PKHD1L1: variants seen among roughly 807,000 people sequenced by gnomAD.
PKHD1L1 encodes the protein PKHD1 like 1.
In PKHD1L1, 434 loss-of-function variants were observed where a neutral mutation model predicts 462.9. The ratio of observed to expected loss-of-function variants is 0.94; its 90% CI spans 0.87 to 1.02. The LOEUF (loss-of-function observed/expected upper bound fraction) is 1.02, where lower values mean the gene tolerates loss of function less well. Among genes scored for constraint, PKHD1L1 ranks in the 50% least tolerant of loss-of-function variants. The probability of loss-of-function intolerance (pLI) is 0.00; values close to 1 mark genes in which losing one functional copy is unlikely to be tolerated. For synonymous variants in PKHD1L1, 1,781 were observed against 1,750.0 expected (o/e 1.02, Z -0.44); for missense variants, 5,202 against 5,096.1 (o/e 1.02, Z -0.63).
rs772430664 is a variant in PKHD1L1, at chr8:109,493,676, A to G, written c.10252A>G (p.Asn3418Asp). The G allele has an allele frequency of 6.2e-6, 10 of 1,605,526 alleles. No individual in the cohort carries two copies. Among genetic ancestry groups the G allele is most frequent in the Non-Finnish European group, 8.5e-6 (10 of 1,175,282 alleles). Residue 3418 changes from asparagine to aspartate, a missense_variant, in exon 63 of 78, where the codon AAT (asparagine) becomes GAT (aspartate). Asn to Asp is a conservative substitution (Grantham distance 23). Coordinates refer to ENST00000378402, the MANE Select transcript of PKHD1L1 (RefSeq NM_177531.6). ...ATTGCACTAGATAAATAGAGGGACC[A>G]ATACAGTTTTACAGAATAATGTAGT... ...HAAIEINRGT[N>D]TVLQNNVVAG...
rs1406919820 is a variant in PKHD1L1 at position 109,404,998 on chromosome 8, A to G, written c.1537A>G (p.Ile513Val). 2.7e-6 allele frequency: 4 copies of G among 1,493,706 alleles called. No individual in the cohort carries two copies. Among genetic ancestry groups the G allele is most frequent in the Middle Eastern group, 1.7e-4 (1 of 5,716 alleles). The allele number at this position is 1,493,706 out of a possible 1,614,324, so 92.5% of individuals were successfully genotyped here. A position where few individuals can be genotyped will look rare whatever the true frequency, so the allele number is the denominator to read the frequency against. Residue 513 changes from isoleucine (I) to valine (V), a missense_variant, in exon 16 of 78, where the codon ATA becomes GTA. By Grantham distance (29) the Ile-to-Val change is conservative (BLOSUM62 3). Transcript: ENST00000378402. ...QSTILQEVQVITLENWETTNA... is the reference protein window; with the variant it reads ...QSTILQEVQVVTLENWETTNA... ...ATGTTTCTTAATTGGAAAATAGGTT[A>G]TAACATTGGAAAACTGGGAAACAAC...
chr8:109,479,114 A>G (rs1818142417), intron 53 of PKHD1L1, among the ~76,000 whole-genome samples: 1 of 152,212 alleles, frequency 6.6e-6, no homozygotes, highest in Non-Finnish European at 1.5e-5. Flanking sequence ...GGAAAATATC[A>G]CCAATTTTAT....
chr8:109,395,999 TA>T, intron 10 of PKHD1L1, 27 bp from the exon 11 acceptor site: 2 of 1,442,808 alleles, frequency 1.4e-6, no homozygotes, highest in Non-Finnish European at 1.9e-6. Context: ...ATATTTATGA[TA>T]TTTTATTTAA....
Position 109,442,205 on chromosome 8 carries a change from T to C in PKHD1L1, c.4393+10T>C, listed in dbSNP as rs1046540753. On this transcript the variant is annotated intron_variant, in intron 35 of 77. Transcript: ENST00000378402. ...CAAAAATCTACATCAGGTATGTTTC[T>C]GCTTATTGGGTTTTGCATCATGTCA... 2 of 1,600,164 alleles carry C rather than the reference T, an allele frequency of 1.2e-6. No homozygotes were observed. Among genetic ancestry groups the C allele is most frequent in the African/African-American group, 2.7e-5 (2 of 74,310 alleles).
In PKHD1L1 at chr8:109,479,595, A is replaced by C; in HGVS notation, c.9134A>C (p.Asn3045Thr). Residue 3045 changes from asparagine (N) to threonine (T), a missense_variant, in exon 54 of 78, where the codon AAT becomes ACT. Asn to Thr is a moderately conservative substitution (Grantham distance 65). This residue lies in a region of PKHD1L1 where 4,497 missense variants were observed against 4,336.8 expected (regional missense o/e 1.04). Coordinates refer to ENST00000378402, the MANE Select transcript of PKHD1L1 (RefSeq NM_177531.6). ...DSFWQSSRENNYTVPHPGANV... is the reference protein window; with the variant it reads ...DSFWQSSRENTYTVPHPGANV... The stretch of plus-strand genomic sequence containing the variant: ...TTTTGGCAATCATCACGAGAAAATA[A>C]TTATACTGTACCTCACCCAGGGGCA... The C allele has an allele frequency of 6.5e-7, 1 of 1,538,918 alleles. No homozygotes were observed. Among genetic ancestry groups the C allele is most frequent in the Middle Eastern group, 1.7e-4 (1 of 5,924 alleles).
intron 5 of PKHD1L1, 77 bp from the exon 6 acceptor site, chr8:109,385,460 T>C: frequency 1.1e-6 from 1 of 907,758 alleles, no homozygotes. Context: ...ATTGGGAAAA[T>C]CTCTTATGTT....
At chr8:109,456,938 T>G (rs1563565953) in intron 46 of PKHD1L1, among the ~76,000 whole-genome samples, 1 of 152,126 alleles carries the variant, frequency 6.6e-6, no homozygotes. Context: ...TCACATAACC[T>G]TTTAGGTGCC....
intron 14 of PKHD1L1, among the ~76,000 whole-genome samples, chr8:109,403,130 T>C (rs1018501275): frequency 6.6e-6 from 1 of 152,174 alleles, no homozygotes; most frequent in African/African-American, 2.4e-5. Flanking sequence ...CTAATACATC[T>C]GCTGCCTGGT....
chr8:109,536,212 T>C lies in PKHD1L1; in HGVS notation c.*6122T>C, dbSNP rs776594373. ...TGCTTCAAAGGTTTCACCGATTTTA[T>C]TGCTGTGTTTCCAACACATTTCCAC... On this transcript the variant is annotated 3_prime_UTR_variant, in exon 78 of 78. Coordinates refer to ENST00000378402, the MANE Select transcript of PKHD1L1 (RefSeq NM_177531.6). 5.9e-5 allele frequency among the ~76,000 whole-genome samples: 9 copies of C among 152,232 alleles called. No individual in the cohort carries two copies. In the East Asian group the frequency reaches 1.3e-3, roughly 23 times the overall value.
intron 70 of PKHD1L1, 101 bp from the exon 71 acceptor site, chr8:109,510,676 C>T (rs1819923781): frequency 5.0e-6 from 7 of 1,400,832 alleles, no homozygotes; most frequent in South Asian, 1.5e-5. Context: ...TGCATTTGAA[C>T]TTGACCACTG....
chr8:109,400,736 T>C (rs548518461), intron 13 of PKHD1L1, among the ~76,000 whole-genome samples: 1 of 152,172 alleles, frequency 6.6e-6, no homozygotes, highest in Admixed American at 6.6e-5. Flanking sequence ...ATTACTTGGG[T>C]TTACCAAGCT....
chr8:109,501,517 C>T (rs1194683519), intron 67 of PKHD1L1, among the ~76,000 whole-genome samples: 1 of 152,130 alleles, frequency 6.6e-6, no homozygotes, highest in Admixed American at 6.6e-5. Flanking sequence ...CTGATGTCGC[C>T]AACTTTAATT....
At position 109,443,919 on chromosome 8, in the gene PKHD1L1, C is replaced by T. The variant is rs895087373; in HGVS notation, c.4791+17C>T. 2 of 1,531,922 alleles carry T rather than the reference C, an allele frequency of 1.3e-6. No homozygotes were observed. Among genetic ancestry groups the T allele is most frequent in the Non-Finnish European group, 1.8e-6 (2 of 1,115,022 alleles). 94.9% of individuals were successfully genotyped at this position (1,531,922 alleles called of 1,614,324 possible). On this transcript the variant is annotated intron_variant, in intron 37 of 77. Transcript: ENST00000378402. ...GCTAATAAGGTAAGAATATAAATACCTCCTTTGTACTTCTATTATATGTTC... is the reference window on the plus strand; with the variant it reads ...GCTAATAAGGTAAGAATATAAATACTTCCTTTGTACTTCTATTATATGTTC...
intron 76 of PKHD1L1, 102 bp downstream of exon 76, chr8:109,523,488 A>T: frequency 8.6e-7 from 1 of 1,158,704 alleles, no homozygotes; most frequent in Non-Finnish European, 1.2e-6. Context: ...TGGTCAATAA[A>T]TTATAGACAT....
intron 49 of PKHD1L1, among the ~76,000 whole-genome samples, chr8:109,465,799 A>G (rs1169161701): frequency 1.7e-4 from 26 of 152,220 alleles, no homozygotes; most frequent in Non-Finnish European, 5.9e-5. Context: ...TATTCAAAGA[A>G]TACCAAAAGA....
chr8:109,445,770 A>C, intron 38 of PKHD1L1, 125 bp downstream of exon 38: 1 of 1,006,822 alleles, frequency 9.9e-7, no homozygotes, highest in Admixed American at 2.7e-5. Flanking sequence ...CTTACACTTA[A>C]TACCTGGGAT....
chr8:109,410,158 G>A (rs12546434), intron 19 of PKHD1L1, among the ~76,000 whole-genome samples, 180 bp downstream of exon 19: 1 of 151,926 alleles, frequency 6.6e-6, no homozygotes, highest in Non-Finnish European at 1.5e-5. Context: ...TGGTACTGCC[G>A]TCTATGATTC....
chr8:109,518,215 T>C lies in PKHD1L1; in HGVS notation c.11738T>C (p.Phe3913Ser). 1 of 1,610,152 alleles carries C rather than the reference T, an allele frequency of 6.2e-7. No homozygotes were observed. ...LDSTVLGENY[F>S]DGTYQMLYLL... ...TCCACTGTCCTTGGTGAAAACTACTTTGATGGAACCTACCAGATGCTTTAT... is the reference window on the plus strand; with the variant it reads ...TCCACTGTCCTTGGTGAAAACTACTCTGATGGAACCTACCAGATGCTTTAT... Residue 3913 changes from phenylalanine to serine, a missense_variant, in exon 73 of 78, where the codon TTT becomes TCT. This residue lies in a region of PKHD1L1 where 698 missense variants were observed against 736.3 expected (regional missense o/e 0.95). Coordinates refer to ENST00000378402, the MANE Select transcript of PKHD1L1 (RefSeq NM_177531.6).
rs565239355 is a variant in PKHD1L1, at chr8:109,372,103, C to T, written c.163+7467C>T. On this transcript the variant is annotated intron_variant, in intron 2 of 77. Transcript: ENST00000378402. ...TATAAATTACCTTGGGCAGTATGGC[C>T]GTTTTCACAATATTGATTCTTCCTA... is the stretch of plus-strand genomic sequence containing the variant. Among the ~76,000 whole-genome samples the T allele has an allele frequency of 7.1e-4, 108 of 152,210 alleles. 1 individual carries two copies. The highest frequency in any genetic ancestry group is 3.4e-3 in the Middle Eastern group (1 of 294).
Sources: gnomAD v4.1 joint callset for allele counts (sites outside exome capture counted in the v4.1 genomes callset) on GRCh38, gnomAD v4.1.1 for gene constraint, gnomAD v4.1.1 regional missense constraint, MANE v1.5 for transcripts, NCBI Gene and HGNC (gene_info 2026-07-23, HGNC 2026-07-21) for gene names.